The following MKLN1 variants were observed in gnomAD, a reference collection of about 807,000 sequenced individuals.
The protein encoded by MKLN1 is muskelin.
MKLN1 carries 18 observed loss-of-function variants against 99.0 expected under a neutral mutation model. That is an observed-to-expected ratio of 0.18 (90% CI 0.13 to 0.27). The LOEUF (loss-of-function observed/expected upper bound fraction) is 0.27. Ranked by LOEUF, MKLN1 falls within the 10% of genes least tolerant of loss-of-function variation. The pLI, the probability that MKLN1 is intolerant of heterozygous loss-of-function variation, is 1.00. For missense variants in MKLN1, 621 were observed against 875.9 expected, an observed-to-expected ratio of 0.71 and a Z score of 3.67; for synonymous variants, 288 against 293.2, an observed-to-expected ratio of 0.98 and a Z score of 0.18.
At chr7:131,345,694 A>G (rs1474454377) in intron 1 of MKLN1, among the ~76,000 whole-genome samples, 5 of 152,098 alleles carry the variant, frequency 3.3e-5, no homozygotes, top group Admixed American at 2.0e-4. Flanking sequence ...AGCCTGGGCA[A>G]TGGAACGAGA....
chr7:131,361,558 C>T (rs958852827), intron 1 of MKLN1, among the ~76,000 whole-genome samples: 11 of 150,946 alleles, frequency 7.3e-5, no homozygotes, highest in Non-Finnish European at 1.3e-4. Flanking sequence ...CCTTATTTAG[C>T]ATGCATTCCA....
At chr7:131,198,068 TCATTGACTGAAAGA>T (rs1796675389) in intron 2 of MKLN1, among the ~76,000 whole-genome samples, 1 of 152,184 alleles carries the variant, frequency 6.6e-6, no homozygotes, top group Non-Finnish European at 1.5e-5. Flanking sequence ...TGAGAGTGAA[TCATTGACTGAAAGA>T]CACTTAGAAG....
In MKLN1 at chr7:131,488,957, T is replaced by C. The variant is rs1337166296; in HGVS notation, c.*1229T>C. ...TCTGATGATGTGCTGTGGAATGCAA[T>C]GTGGGAAACCTACATCTGGCTAGTG... On this transcript the variant is annotated 3_prime_UTR_variant, in exon 18 of 18. Coordinates refer to ENST00000352689, the MANE Select transcript of MKLN1 (RefSeq NM_013255.5). The C allele has an allele frequency of 1.3e-5, 2 of 152,182 alleles. No individual in the cohort carries two copies. The highest frequency in any genetic ancestry group is 4.8e-5 in the African/African-American group (2 of 41,444). 9.4% of individuals were successfully genotyped at this position (152,182 alleles called of 1,614,324 possible).
intron 2 of MKLN1, among the ~76,000 whole-genome samples, chr7:131,201,657 C>T (rs957913349): frequency 2.6e-5 from 4 of 152,128 alleles, no homozygotes; most frequent in Non-Finnish European, 4.4e-5. Flanking sequence ...GGCTTTACTA[C>T]GTATAAAGCA....
intron 3 of MKLN1, among the ~76,000 whole-genome samples, chr7:131,237,557 C>T (rs1797342157): frequency 6.6e-6 from 1 of 152,066 alleles, no homozygotes; most frequent in Non-Finnish European, 1.5e-5. Context: ...GTGATATGGC[C>T]ACCTCAGAGA....
intron 3 of MKLN1, among the ~76,000 whole-genome samples, chr7:131,388,045 T>G (rs1054956672): frequency 2.0e-5 from 3 of 152,136 alleles, no homozygotes; most frequent in Admixed American, 6.5e-5. Context: ...CGGACGACTG[T>G]AGTCCCATCT....
intron 2 of MKLN1, among the ~76,000 whole-genome samples, chr7:131,169,881 T>C (rs948266367): frequency 6.6e-6 from 1 of 152,226 alleles, no homozygotes; most frequent in African/African-American, 2.4e-5. Context: ...TCACCATTAT[T>C]ACAGCTCAAC....
At position 131,445,842 on chromosome 7, in the gene MKLN1, T is replaced by C. The variant is rs370536769; in HGVS notation, c.1464T>C (p.Tyr488=). 4.0e-5 allele frequency: 64 copies of C among 1,609,836 alleles called. No homozygotes were observed. The highest frequency in any genetic ancestry group is 3.3e-4 in the Middle Eastern group (2 of 6,068). The change falls in exon 12 of 18, where the codon TAT becomes TAC. Residue 488 remains tyrosine, a synonymous_variant. Transcript: ENST00000352689. ...CCTATTTGAATGATTTCTTTAGTTA[T>C]GATGTGGACTCTGATCATGTAGACA... ...SKTYLNDFFS[Y]DVDSDHVDII...
chr7:131,242,090 C>T (rs987194422), intron 3 of MKLN1, among the ~76,000 whole-genome samples: 7 of 152,180 alleles, frequency 4.6e-5, no homozygotes, highest in Non-Finnish European at 1.5e-5. Context: ...TGTTGCAAAA[C>T]ACCTAAGATT....
intron 3 of MKLN1, among the ~76,000 whole-genome samples, chr7:131,293,772 C>G (rs965181599): frequency 6.6e-6 from 1 of 152,198 alleles, no homozygotes; most frequent in African/African-American, 2.4e-5. Context: ...CGCCACTGCT[C>G]TCTAGCCTGG....
chr7:131,335,745 G>A (rs940585862), intron 1 of MKLN1, among the ~76,000 whole-genome samples: 4 of 150,826 alleles, frequency 2.7e-5, no homozygotes, highest in Non-Finnish European at 5.9e-5. Flanking sequence ...AACGTTTGGG[G>A]ATTTGCTAGT....
At position 131,496,143 on chromosome 7, in the gene MKLN1, A is replaced by G. The variant is rs962604852; in HGVS notation, c.*8415A>G. ...CTCAGTAGTATTTCAGATGAGACTC[A>G]ATGTGTGGAGAAAACCGCTAACTTG... On this transcript the variant is annotated 3_prime_UTR_variant, in exon 18 of 18. Transcript: ENST00000352689. The G allele has an allele frequency of 1.3e-5, 2 of 152,112 alleles. No homozygotes were observed. The highest frequency in any genetic ancestry group is 4.8e-5 in the African/African-American group (2 of 41,348). 9.4% of individuals were successfully genotyped at this position (152,112 alleles called of 1,614,324 possible).
At chr7:131,314,818 G>C (rs1459130939) in intron 3 of MKLN1, among the ~76,000 whole-genome samples, 1 of 151,890 alleles carries the variant, frequency 6.6e-6, no homozygotes, top group Non-Finnish European at 1.5e-5. Flanking sequence ...CACACAAGCG[G>C]GAGTGCGGTG....
chr7:131,290,638 T>C (rs1798202801), intron 3 of MKLN1, among the ~76,000 whole-genome samples: 1 of 152,236 alleles, frequency 6.6e-6, no homozygotes, highest in Non-Finnish European at 1.5e-5. Context: ...GCCAAAGATC[T>C]TCCCAAAAGT....
Position 131,141,460 on chromosome 7 carries a change from C to T in MKLN1, c.-418-1360C>T, listed in dbSNP as rs562773152. Among the ~76,000 whole-genome samples the T allele has an allele frequency of 1.2e-4, 19 of 152,304 alleles. No homozygotes were observed. The South Asian group carries it at 3.1e-3, about 25-fold the overall frequency. On this transcript the variant is annotated intron_variant, in intron 1 of 7. Transcript: ENST00000416992. The stretch of plus-strand genomic sequence containing the variant: ...CAAAACTCCAACATGTAATCTATCA[C>T]GACTTTCAGTAGATTCTACCTCCTC...
At chr7:131,352,098 C>G (rs1799736929) in intron 1 of MKLN1, among the ~76,000 whole-genome samples, 1 of 152,110 alleles carries the variant, frequency 6.6e-6, no homozygotes, top group African/African-American at 2.4e-5. Context: ...CTCCAGGTGT[C>G]TAATTAATTT....
At chr7:131,365,602 C>T (rs1800155764) in intron 1 of MKLN1, among the ~76,000 whole-genome samples, 1 of 152,058 alleles carries the variant, frequency 6.6e-6, no homozygotes, top group South Asian at 2.1e-4. Context: ...TTTAATCTAT[C>T]TCGAGTTGAT....
chr7:131,273,998 C>T (rs1471779921), intron 3 of MKLN1, among the ~76,000 whole-genome samples: 1 of 152,104 alleles, frequency 6.6e-6, no homozygotes, highest in Non-Finnish European at 1.5e-5. Context: ...TAATTGTTTT[C>T]ACTCCATGTA....
At chr7:131,177,137 C>G (rs1487161884) in intron 2 of MKLN1, among the ~76,000 whole-genome samples, 2 of 152,132 alleles carry the variant, frequency 1.3e-5, no homozygotes. Context: ...TCTTTTATGG[C>G]CACATATGTG....
Sources: allele counts gnomAD v4.1 joint callset (sites outside exome capture counted in the v4.1 genomes callset), GRCh38; gene constraint gnomAD v4.1.1; transcripts MANE v1.5; gene names NCBI Gene and HGNC (gene_info 2026-07-23, HGNC 2026-07-21).